ZNF385D: variants seen among roughly 807,000 people sequenced by gnomAD.
ZNF385D encodes zinc finger protein 659.
A neutral mutation model predicts 35.8 loss-of-function variants in ZNF385D; 15 were observed. That is an observed-to-expected ratio of 0.42 (90% CI 0.28 to 0.64). The LOEUF is 0.64. Among genes scored for constraint, ZNF385D ranks in the 30% least tolerant of loss-of-function variants. The pLI is 0.23. For synonymous variants in ZNF385D, 212 were observed against 186.8 expected, an observed-to-expected ratio of 1.13 and a Z score of -1.10; for missense variants, 474 against 494.6, an observed-to-expected ratio of 0.96 and a Z score of 0.39.
intron 1 of ZNF385D, among the ~76,000 whole-genome samples, 172 bp downstream of exon 1, chr3:21,750,723 G>A (rs185067629): frequency 6.6e-6 from 1 of 151,504 alleles, no homozygotes; most frequent in African/African-American, 2.4e-5. Flanking sequence ...AACAGCCCCA[G>A]TTGTGGCACA....
At position 21,421,461 on chromosome 3, in the gene ZNF385D, A is replaced by G. The variant is rs746279247; in HGVS notation, c.955-14T>C. 1 of 1,582,786 alleles carries G rather than the reference A, an allele frequency of 6.3e-7. No homozygotes were observed. The highest frequency in any genetic ancestry group is 1.7e-5 in the Admixed American group (1 of 57,778). The stretch of plus-strand genomic sequence containing the variant: ...TACTAATTTTACCTGCAAGGGAGAA[A>G]AAATATTGTAAAAAAAACAACAGTT... On this transcript the variant is annotated splice_polypyrimidine_tract_variant and intron_variant, in intron 7 of 7. Coordinates refer to ENST00000281523, the MANE Select transcript of ZNF385D (RefSeq NM_024697.3).
At chr3:21,772,432 T>G (rs1575623068) in intron 3 of ZNF385D, among the ~76,000 whole-genome samples, 1 of 151,790 alleles carries the variant, frequency 6.6e-6, no homozygotes. Flanking sequence ...CTTGAATAAA[T>G]ATTTTTCCAA....
At chr3:22,102,150 G>A (rs1194920831) in intron 3 of ZNF385D, among the ~76,000 whole-genome samples, 1 of 151,906 alleles carries the variant, frequency 6.6e-6, no homozygotes, top group Non-Finnish European at 1.5e-5. Context: ...AGAGATGAAT[G>A]TGTTCTTTTC....
At chr3:22,004,568 A>G (rs956683644) in intron 3 of ZNF385D, among the ~76,000 whole-genome samples, 2 of 152,130 alleles carry the variant, frequency 1.3e-5, no homozygotes, top group Admixed American at 6.5e-5. Flanking sequence ...ACAAGCTGGG[A>G]GCTCCTTAGG....
chr3:21,658,698 G>A (rs75972830), intron 2 of ZNF385D, among the ~76,000 whole-genome samples: 21,821 of 151,786 alleles, frequency 0.14, 1,761 homozygotes, highest in African/African-American at 0.2. Context: ...TATGCATATG[G>A]TATTTATCTC....
chr3:21,982,450 C>T (rs747795656), intron 3 of ZNF385D, among the ~76,000 whole-genome samples: 5 of 152,090 alleles, frequency 3.3e-5, no homozygotes, highest in Non-Finnish European at 2.9e-5. Context: ...TCTAACTTTG[C>T]TGAAGTTGTT....
At chr3:22,196,977 A>T (rs1031959382) in intron 2 of ZNF385D, among the ~76,000 whole-genome samples, 11 of 152,034 alleles carry the variant, frequency 7.2e-5, no homozygotes, top group Non-Finnish European at 1.6e-4. Context: ...TTTTCAATAG[A>T]TACACAATCT....
chr3:22,203,650 C>G (rs369627244), intron 2 of ZNF385D, among the ~76,000 whole-genome samples: 1 of 152,132 alleles, frequency 6.6e-6, no homozygotes, highest in Non-Finnish European at 1.5e-5. Context: ...CACTAGCTGA[C>G]TGAAGATCTC....
At chr3:21,868,243 T>C (rs1350330951) in intron 3 of ZNF385D, among the ~76,000 whole-genome samples, 2 of 152,010 alleles carry the variant, frequency 1.3e-5, no homozygotes, top group Non-Finnish European at 2.9e-5. Context: ...CCATAGACAA[T>C]CCATATACAA....
intron 3 of ZNF385D, among the ~76,000 whole-genome samples, chr3:21,915,872 C>A (rs1700170088): frequency 6.6e-6 from 1 of 152,040 alleles, no homozygotes; most frequent in Non-Finnish European, 1.5e-5. Flanking sequence ...CCAAACACGG[C>A]AAAAATAACT....
At chr3:21,823,545 A>G (rs925439915) in intron 3 of ZNF385D, among the ~76,000 whole-genome samples, 1 of 152,170 alleles carries the variant, frequency 6.6e-6, no homozygotes, top group Admixed American at 6.5e-5. Flanking sequence ...CAGACATTAC[A>G]GCCTCTCTCT....
intron 3 of ZNF385D, among the ~76,000 whole-genome samples, chr3:22,153,777 G>C (rs766693618): frequency 4.6e-5 from 7 of 151,996 alleles, no homozygotes; most frequent in Non-Finnish European, 8.8e-5. Context: ...AACGGACTCT[G>C]CATTTTTCAT....
At chr3:22,366,519 T>C (rs1696663887) in intron 2 of ZNF385D, among the ~76,000 whole-genome samples, 1 of 152,114 alleles carries the variant, frequency 6.6e-6, no homozygotes, top group Non-Finnish European at 1.5e-5. Context: ...ATAATGTACT[T>C]TAAAAATAAA....
At chr3:21,870,726 C>T (rs1258097084) in intron 3 of ZNF385D, among the ~76,000 whole-genome samples, 3 of 151,992 alleles carry the variant, frequency 2.0e-5, no homozygotes, top group Admixed American at 6.6e-5. Flanking sequence ...TGCGTGTGTG[C>T]GTGTATATGT....
Position 22,147,291 on chromosome 3 carries a change from G to A in ZNF385D, c.325+21526C>T, listed in dbSNP as rs147573318. Among the ~76,000 whole-genome samples the A allele has an allele frequency of 3.1e-3, 465 of 152,212 alleles. 3 individuals are homozygous for A. Among genetic ancestry groups the A allele is most frequent in the African/African-American group, 0.01 (429 of 41,550 alleles). ...AACCATGTCTCTCCTACTTTTATAG[G>A]AGGTTTGTGGGGGATTGATGCCAGT... On this transcript the variant is annotated intron_variant, in intron 3 of 5. Coordinates refer to the ZNF385D transcript ENST00000494108.
At chr3:21,903,786 C>T (rs1283094418) in intron 3 of ZNF385D, among the ~76,000 whole-genome samples, 1 of 152,056 alleles carries the variant, frequency 6.6e-6, no homozygotes, top group Non-Finnish European at 1.5e-5. Flanking sequence ...TTAAATATGG[C>T]ATTCAAGACT....
At chr3:21,559,826 T>TA (rs1292962563) in intron 3 of ZNF385D, among the ~76,000 whole-genome samples, 1 of 152,236 alleles carries the variant, frequency 6.6e-6, no homozygotes, top group Non-Finnish European at 1.5e-5. Context: ...TCTTTTCACA[T>TA]ATTCGCATAT....
chr3:21,941,507 T>TAC, intron 3 of ZNF385D, among the ~76,000 whole-genome samples: 1 of 140,018 alleles, frequency 7.1e-6, no homozygotes, highest in South Asian at 2.4e-4. Context: ...TTTTTTTTTT[T>TAC]TTTTTTTTGA....
rs554098480 is a variant in ZNF385D at position 22,081,262 on chromosome 3, G to T, written c.325+87555C>A. On this transcript the variant is annotated intron_variant, in intron 3 of 5. Coordinates refer to the ZNF385D transcript ENST00000494108. Reference sequence around the variant, plus strand: ...TTATTTTGTATTTCATCCATCTGTGGGTCTTAATTTCAAATACTGGGAGCT... The same window carrying T: ...TTATTTTGTATTTCATCCATCTGTGTGTCTTAATTTCAAATACTGGGAGCT... 1.1e-3 allele frequency among the ~76,000 whole-genome samples: 171 copies of T among 152,066 alleles called. 1 individual carries two copies. Among genetic ancestry groups the T allele is most frequent in the African/African-American group, 3.6e-3 (148 of 41,490 alleles).
Sources: allele counts gnomAD v4.1 joint callset (sites outside exome capture counted in the v4.1 genomes callset), GRCh38; gene constraint gnomAD v4.1.1; transcripts MANE v1.5; gene names NCBI Gene and HGNC (gene_info 2026-07-23, HGNC 2026-07-21).